The following RERE variants were observed in gnomAD, a reference collection of about 807,000 sequenced individuals.
The protein encoded by RERE is arginine-glutamic acid dipeptide repeats.
In RERE, 40 loss-of-function variants were observed where a neutral mutation model predicts 146.1. That is an observed-to-expected ratio of 0.27 (90% CI 0.21 to 0.36). The LOEUF is 0.36. RERE is among the 10% of genes least tolerant of loss of function. The probability of loss-of-function intolerance (pLI) is 1.00; values close to 1 mark genes in which losing one functional copy is unlikely to be tolerated. For missense variants in RERE, 1,933 were observed against 2,138.7 expected (o/e 0.90, Z 1.90); for synonymous variants, 1,003 against 866.0 (o/e 1.16, Z -2.78).
At chr1:8,525,551 A>G (rs75071331) in intron 7 of RERE, among the ~76,000 whole-genome samples, 4 of 152,316 alleles carry the variant, frequency 2.6e-5, no homozygotes, top group East Asian at 1.9e-4. Flanking sequence ...TTCACATTCT[A>G]TATCTGCTGA....
At chr1:8,644,219 A>G (rs1336659880) in intron 2 of RERE, among the ~76,000 whole-genome samples, 2 of 152,148 alleles carry the variant, frequency 1.3e-5, no homozygotes, top group African/African-American at 4.8e-5. Context: ...GTCTTTTTTT[A>G]TACAAGACAT....
chr1:8,584,612 T>A (rs1646405018), intron 4 of RERE, among the ~76,000 whole-genome samples: 1 of 151,918 alleles, frequency 6.6e-6, no homozygotes, highest in African/African-American at 2.4e-5. Context: ...GACAGCTACA[T>A]AAGGACTAGT....
At chr1:8,560,556 C>G (rs1199572283) in intron 4 of RERE, among the ~76,000 whole-genome samples, 2 of 152,144 alleles carry the variant, frequency 1.3e-5, no homozygotes, top group Non-Finnish European at 2.9e-5. Flanking sequence ...ATGTATGTGA[C>G]TTGGGGCACA....
chr1:8,538,845 C>T (rs1224929017), intron 7 of RERE, among the ~76,000 whole-genome samples: 2 of 152,204 alleles, frequency 1.3e-5, no homozygotes, highest in African/African-American at 2.4e-5. Context: ...CTGCTATCAT[C>T]ATGTCTCTGT....
chr1:8,535,962 T>C (rs1016939837), intron 7 of RERE, among the ~76,000 whole-genome samples: 3 of 151,662 alleles, frequency 2.0e-5, no homozygotes, highest in Non-Finnish European at 2.9e-5. Context: ...AAAAATTAGC[T>C]GGGAGTGGTG....
intron 2 of RERE, among the ~76,000 whole-genome samples, chr1:8,629,716 C>G (rs2124245787): frequency 6.6e-6 from 1 of 152,246 alleles, no homozygotes; most frequent in South Asian, 2.1e-4. Flanking sequence ...CCACACACGC[C>G]AGTACTAAAA....
At chr1:8,525,740 C>T in intron 7 of RERE, 1 of 1,592,436 alleles carries the variant, frequency 6.3e-7, no homozygotes, top group South Asian at 1.1e-5. Flanking sequence ...TTCGGTGAGG[C>T]CAGGGGAAGA....
chr1:8,474,369 T>G (rs1644727218), intron 10 of RERE, among the ~76,000 whole-genome samples: 1 of 152,190 alleles, frequency 6.6e-6, no homozygotes. Flanking sequence ...TTATAAAGCA[T>G]GTTATTTTAT....
chr1:8,448,236 G>A (rs1356804331), intron 11 of RERE, among the ~76,000 whole-genome samples: 2 of 152,104 alleles, frequency 1.3e-5, no homozygotes, highest in Non-Finnish European at 2.9e-5. Context: ...GAGCCAGAAG[G>A]GGACTATTTA....
chr1:8,774,385 C>T (rs1569768297), intron 1 of RERE, among the ~76,000 whole-genome samples: 1 of 118,222 alleles, frequency 8.5e-6, no homozygotes, highest in Non-Finnish European at 1.7e-5. Flanking sequence ...CAGAGTTTCG[C>T]TCTTGTTGCC....
chr1:8,480,768 G>T (rs926270893), intron 10 of RERE, among the ~76,000 whole-genome samples: 29 of 152,018 alleles, frequency 1.9e-4, no homozygotes, highest in African/African-American at 6.8e-4. Flanking sequence ...AAGGCTAAAG[G>T]TTTTTTTATC....
At chr1:8,725,734 A>G (rs1361167984) in intron 1 of RERE, among the ~76,000 whole-genome samples, 2 of 152,078 alleles carry the variant, frequency 1.3e-5, no homozygotes, top group Admixed American at 1.3e-4. Flanking sequence ...TCCAAACCAT[A>G]TTTGATGAAT....
intron 1 of RERE, chr1:8,806,694 A>ATATC (rs1641699877): frequency 6.6e-6 from 1 of 152,170 alleles, no homozygotes; most frequent in East Asian, 1.9e-4. Context: ...ACCAAAGCAG[A>ATATC]TGATGGGCCT....
intron 4 of RERE, among the ~76,000 whole-genome samples, chr1:8,594,511 A>G (rs1408046556): frequency 1.3e-5 from 2 of 152,242 alleles, no homozygotes; most frequent in African/African-American, 4.8e-5. Context: ...GAAAGTAGAC[A>G]GAGGCGCAGA....
intron 1 of RERE, among the ~76,000 whole-genome samples, chr1:8,695,784 T>G (rs1217049900): frequency 1.3e-5 from 2 of 151,680 alleles, no homozygotes; most frequent in East Asian, 3.9e-4. Context: ...GTCAACAAAG[T>G]AAACAGACAA....
At chr1:8,798,338 T>C (rs1022393879) in intron 1 of RERE, 3 of 151,842 alleles carry the variant, frequency 2.0e-5, no homozygotes, top group African/African-American at 7.3e-5. Flanking sequence ...GGAACAGAGG[T>C]TGCAGTGAGC....
At chr1:8,521,076 CACA>C (rs1329094414) in intron 7 of RERE, among the ~76,000 whole-genome samples, 2 of 150,306 alleles carry the variant, frequency 1.3e-5, no homozygotes, top group Non-Finnish European at 2.9e-5. Context: ...AACTAACACA[CACA>C]CATGCACCTA....
At position 8,656,420 on chromosome 1, in the gene RERE, C is replaced by T. The variant is rs1266286235; in HGVS notation, c.-123G>A. The T allele has an allele frequency of 2.3e-6, 3 of 1,309,958 alleles. No individual in the cohort carries two copies. The East Asian group carries it at 7.0e-5, about 31-fold the overall frequency. 81.1% of individuals were successfully genotyped at this position (1,309,958 alleles called of 1,614,324 possible). Reference sequence around the variant, plus strand: ...TCCAGGGAAAATCCAACCACTCCAACAACCCCAACGTTTCAAAAATGCTAG... The same window carrying T: ...TCCAGGGAAAATCCAACCACTCCAATAACCCCAACGTTTCAAAAATGCTAG... On this transcript the variant is annotated 5_prime_UTR_variant, in exon 2 of 23. Coordinates refer to ENST00000400908, the MANE Select transcript of RERE (RefSeq NM_001042681.2).
chr1:8,359,197 C>G (rs575191537), intron 19 of RERE, among the ~76,000 whole-genome samples: 32 of 152,298 alleles, frequency 2.1e-4, no homozygotes, highest in African/African-American at 7.2e-4. Flanking sequence ...AGGGTTGTGT[C>G]TGGGAGTGAC....
Sources: gnomAD v4.1 joint callset for allele counts (sites outside exome capture counted in the v4.1 genomes callset) on GRCh38, gnomAD v4.1.1 for gene constraint, MANE v1.5 for transcripts, NCBI Gene and HGNC (gene_info 2026-07-23, HGNC 2026-07-21) for gene names.